Variants in IMPG1 observed in about 807,000 individuals in gnomAD.
IMPG1 encodes interphotoreceptor matrix proteoglycan 1.
In IMPG1, 85 loss-of-function variants were observed where a neutral mutation model predicts 92.0. The observed-to-expected ratio is 0.92, with a 90% CI of 0.78 to 1.11. The LOEUF is 1.11. IMPG1 is among the 50% of genes least tolerant of loss of function. IMPG1 has a pLI of 0.00. For synonymous variants in IMPG1, 367 were observed against 334.1 expected (o/e 1.10, Z -1.08); for missense variants, 1,022 against 956.0 (o/e 1.07, Z -0.91).
chr6:75,922,683 C>T (rs1781449770), intron 16 of IMPG1, among the ~76,000 whole-genome samples: 1 of 152,166 alleles, frequency 6.6e-6, no homozygotes, highest in South Asian at 2.1e-4. Flanking sequence ...TTTAGTTGGA[C>T]ATTTTGTCAA....
chr6:75,976,219 G>A (rs989503728), intron 12 of IMPG1, among the ~76,000 whole-genome samples: 1 of 152,154 alleles, frequency 6.6e-6, no homozygotes, highest in African/African-American at 2.4e-5. Context: ...CTTAACATTT[G>A]CCAAAGGTAG....
chr6:75,999,568 G>T (rs1292988878), intron 12 of IMPG1, among the ~76,000 whole-genome samples: 3 of 151,536 alleles, frequency 2.0e-5, no homozygotes, highest in Non-Finnish European at 2.9e-5. Context: ...CTTTTTTTTT[G>T]TTTGTTTGTT....
chr6:75,950,577 T>C lies in IMPG1; in HGVS notation c.1809A>G (p.Gln603=). 6.2e-7 allele frequency: 1 copy of C among 1,608,652 alleles called. No homozygotes were observed. Among genetic ancestry groups the C allele is most frequent in the Non-Finnish European group, 8.5e-7 (1 of 1,177,174 alleles). Residue 603 remains glutamine, a synonymous_variant, in exon 13 of 17, where the codon CAA becomes CAG. Coordinates refer to ENST00000369950, the MANE Select transcript of IMPG1 (RefSeq NM_001563.4). ...GCCCACTCACCAGCTGTGTGAATTGTTGCTCCAGAGCTCGGTACTCCAGAG... is the reference window on the plus strand; with the variant it reads ...GCCCACTCACCAGCTGTGTGAATTGCTGCTCCAGAGCTCGGTACTCCAGAG... ...KSSLEYRALE[Q]QFTQLLVPYL...
chr6:76,058,366 A>G (rs547795778), intron 1 of IMPG1, among the ~76,000 whole-genome samples: 3 of 152,310 alleles, frequency 2.0e-5, no homozygotes, highest in Middle Eastern at 6.8e-3. Context: ...GGAGGTGATA[A>G]TAGTAACAGT....
In IMPG1 at chr6:75,974,401, T is replaced by TTTCC. The variant is rs761519920; in HGVS notation, c.1292-23311_1292-23308dup. 1.4e-3 allele frequency among the ~76,000 whole-genome samples: 129 copies of TTTCC among 92,812 alleles called. 3 individuals carry two copies. The highest frequency in any genetic ancestry group is 0.012 in the South Asian group (30 of 2,424). 60.9% of individuals were successfully genotyped at this position (92,812 alleles called of 152,430 possible). On this transcript the variant is annotated intron_variant, in intron 12 of 16. Coordinates refer to ENST00000369950, the MANE Select transcript of IMPG1 (RefSeq NM_001563.4). ...TTTCTTTCTTTCTTTCTTTTCTTTC[T>TTTCC]TTCCTTCCTTCCTTCCTTCCTTCCT...
At chr6:75,996,162 G>C (rs887320120) in intron 12 of IMPG1, among the ~76,000 whole-genome samples, 4 of 152,196 alleles carry the variant, frequency 2.6e-5, no homozygotes, top group Non-Finnish European at 4.4e-5. Flanking sequence ...AAGATGTGCA[G>C]AGAATCTACA....
chr6:75,979,365 G>T (rs1178398099), intron 12 of IMPG1, among the ~76,000 whole-genome samples: 1 of 152,174 alleles, frequency 6.6e-6, no homozygotes, highest in African/African-American at 2.4e-5. Context: ...ATGGAAAAGG[G>T]GTGTGGAGAG....
chr6:75,978,017 T>G (rs2149468505), intron 12 of IMPG1, among the ~76,000 whole-genome samples: 1 of 152,232 alleles, frequency 6.6e-6, no homozygotes, highest in East Asian at 1.9e-4. Context: ...CTCCAACTCC[T>G]GTACTCAAGC....
At chr6:75,970,699 A>G (rs1332179097) in intron 12 of IMPG1, among the ~76,000 whole-genome samples, 1 of 152,174 alleles carries the variant, frequency 6.6e-6, no homozygotes, top group Non-Finnish European at 1.5e-5. Flanking sequence ...AAATGAAGTA[A>G]TTGTAATATG....
intron 12 of IMPG1, among the ~76,000 whole-genome samples, chr6:75,983,815 A>G (rs769025982): frequency 6.6e-6 from 1 of 152,174 alleles, no homozygotes; most frequent in Non-Finnish European, 1.5e-5. Flanking sequence ...TTTAAACCAT[A>G]TATCTGAAAG....
chr6:75,939,366 A>G (rs1781802054), intron 14 of IMPG1, among the ~76,000 whole-genome samples: 1 of 151,910 alleles, frequency 6.6e-6, no homozygotes. Flanking sequence ...CCACCCCACA[A>G]CAGGCCCCGG....
At position 75,929,222 on chromosome 6, in the gene IMPG1, T is replaced by C. The variant is rs570317514; in HGVS notation, c.2243+1731A>G. Among the ~76,000 whole-genome samples, 11 of 152,332 alleles carry C rather than the reference T, an allele frequency of 7.2e-5. No homozygotes were observed. In the East Asian group the frequency reaches 2.1e-3, roughly 29 times the overall value. ...TTCCAATTTGTACATCCACCAGCAATGCTTGATGGATCTAGCTTTCCTCCA... is the reference window on the plus strand; with the variant it reads ...TTCCAATTTGTACATCCACCAGCAACGCTTGATGGATCTAGCTTTCCTCCA... On this transcript the variant is annotated intron_variant, in intron 15 of 16. Coordinates refer to ENST00000369950, the MANE Select transcript of IMPG1 (RefSeq NM_001563.4).
At chr6:76,002,232 T>A (rs1253425881) in intron 12 of IMPG1, among the ~76,000 whole-genome samples, 1 of 152,142 alleles carries the variant, frequency 6.6e-6, no homozygotes, top group East Asian at 1.9e-4. Context: ...CAGCTATTTT[T>A]TGCACTAAAA....
At chr6:75,937,322 C>T (rs372316380) in intron 14 of IMPG1, among the ~76,000 whole-genome samples, 5 of 151,246 alleles carry the variant, frequency 3.3e-5, no homozygotes, top group African/African-American at 1.2e-4. Flanking sequence ...TTTCATTTGG[C>T]GAAGTGTAGA....
intron 1 of IMPG1, among the ~76,000 whole-genome samples, chr6:76,065,612 G>T (rs940970136): frequency 6.6e-6 from 1 of 152,068 alleles, no homozygotes; most frequent in East Asian, 1.9e-4. Context: ...TATGTAATAG[G>T]TATTTCTGAG....
At chr6:76,062,678 C>T (rs753328592) in intron 1 of IMPG1, among the ~76,000 whole-genome samples, 3 of 152,134 alleles carry the variant, frequency 2.0e-5, no homozygotes, top group Non-Finnish European at 4.4e-5. Flanking sequence ...TCTCCCCAAA[C>T]ACTTTTCTAT....
intron 1 of IMPG1, among the ~76,000 whole-genome samples, chr6:76,058,760 G>T (rs1375203960): frequency 6.6e-6 from 1 of 152,130 alleles, no homozygotes; most frequent in Admixed American, 6.6e-5. Flanking sequence ...AGCTTGTAGG[G>T]CCTAGCTAAC....
chr6:75,966,753 T>TA (rs1224046408), intron 12 of IMPG1, among the ~76,000 whole-genome samples: 34 of 151,908 alleles, frequency 2.2e-4, no homozygotes, highest in Non-Finnish European at 1.6e-4. Context: ...GAGGACAGGA[T>TA]AAAATGTAGA....
At chr6:76,026,913 A>G (rs1294956463) in intron 4 of IMPG1, among the ~76,000 whole-genome samples, 1 of 152,188 alleles carries the variant, frequency 6.6e-6, no homozygotes, top group East Asian at 1.9e-4. Context: ...TTATGGAATG[A>G]GCCCTTTCTG....
Sources: gnomAD v4.1 joint callset for allele counts (sites outside exome capture counted in the v4.1 genomes callset) on GRCh38, gnomAD v4.1.1 for gene constraint, MANE v1.5 for transcripts, NCBI Gene and HGNC (gene_info 2026-07-23, HGNC 2026-07-21) for gene names.